UNC5D: variants seen among roughly 807,000 people sequenced by gnomAD.
UNC5D encodes the protein netrin receptor UNC5D.
Under a neutral mutation model 105.4 loss-of-function variants are expected in UNC5D, and 39 were observed. The ratio of observed to expected loss-of-function variants is 0.37; its 90% CI spans 0.29 to 0.48. The LOEUF (loss-of-function observed/expected upper bound fraction) is 0.48. Ranked by LOEUF, UNC5D falls within the 20% of genes least tolerant of loss-of-function variation. The pLI is 0.98. For synonymous variants in UNC5D, 452 were observed against 450.4 expected (o/e 1.00, Z -0.04); for missense variants, 991 against 1,202.4 (o/e 0.82, Z 2.60).
intron 1 of UNC5D, among the ~76,000 whole-genome samples, chr8:35,533,021 T>C (rs991820705): frequency 3.4e-5 from 5 of 147,776 alleles, no homozygotes; most frequent in Non-Finnish European, 7.4e-5. Flanking sequence ...AGTAATTTGA[T>C]CGTCTGAAGC....
chr8:35,580,027 A>G (rs185427851), intron 3 of UNC5D, among the ~76,000 whole-genome samples: 31 of 152,334 alleles, frequency 2.0e-4, no homozygotes, highest in African/African-American at 6.0e-4. Context: ...ATGGCTGCTT[A>G]GATATGGAAC....
At chr8:35,579,924 T>C (rs113172045) in intron 3 of UNC5D, among the ~76,000 whole-genome samples, 2 of 152,162 alleles carry the variant, frequency 1.3e-5, no homozygotes, top group African/African-American at 2.4e-5. Flanking sequence ...TCTTTGAGAG[T>C]GTTGATATGG....
chr8:35,604,387 C>T (rs1264540063), intron 4 of UNC5D, among the ~76,000 whole-genome samples: 3 of 152,218 alleles, frequency 2.0e-5, no homozygotes, highest in Non-Finnish European at 4.4e-5. Flanking sequence ...CCTCTTCTGG[C>T]TTGTAGAGTT....
rs530380680 is a variant in UNC5D at position 35,402,785 on chromosome 8, GC to G, written c.104-146503del. 3.9e-3 allele frequency among the ~76,000 whole-genome samples: 591 copies of G among 152,112 alleles called. 2 individuals are homozygous for G. Among genetic ancestry groups the G allele is most frequent in the Middle Eastern group, 0.01 (3 of 294 alleles). The stretch of plus-strand genomic sequence containing the variant: ...TAACCTTAGCACTTCTTACTTCTTA[GC>G]CCCAAAAGAATAGTGAGAGGTTGAG... On this transcript the variant is annotated intron_variant, in intron 1 of 16. Transcript: ENST00000404895.
In UNC5D at chr8:35,750,681, A is replaced by C; in HGVS notation, c.2035A>C (p.Thr679Pro). The change falls in exon 13 of 17, where the codon ACT (threonine) becomes CCT (proline). Residue 679 changes from threonine to proline, a missense_variant. Thr to Pro is a conservative substitution (Grantham distance 38). This residue lies in a region of UNC5D where 944 missense variants were observed against 1,131.6 expected (regional missense o/e 0.83). Transcript: ENST00000404895. ...LLDSFGTYAL[T>P]GEPITDCAVK... Reference sequence around the variant, plus strand: ...GGACAGCTTTGGGACCTATGCGCTCACTGGAGAGCCAATCACAGACTGTGC... The same window carrying C: ...GGACAGCTTTGGGACCTATGCGCTCCCTGGAGAGCCAATCACAGACTGTGC... 1.2e-6 allele frequency: 2 copies of C among 1,614,112 alleles called. No individual in the cohort carries two copies. The highest frequency in any genetic ancestry group is 1.7e-6 in the Non-Finnish European group (2 of 1,180,022).
chr8:35,390,728 T>A (rs927227910), intron 1 of UNC5D, among the ~76,000 whole-genome samples: 10 of 152,208 alleles, frequency 6.6e-5, no homozygotes, highest in African/African-American at 2.4e-4. Flanking sequence ...AATATCTCAA[T>A]AGTTTCTCTT....
At chr8:35,482,890 C>T (rs1372759148) in intron 1 of UNC5D, among the ~76,000 whole-genome samples, 1 of 138,736 alleles carries the variant, frequency 7.2e-6, no homozygotes, top group African/African-American at 2.8e-5. Context: ...GCAACTTCTG[C>T]CTCCTGGATT....
intron 1 of UNC5D, among the ~76,000 whole-genome samples, chr8:35,314,494 C>T (rs1809133481): frequency 6.6e-6 from 1 of 152,100 alleles, no homozygotes; most frequent in Admixed American, 6.6e-5. Flanking sequence ...ATGTTGACAA[C>T]AGCTCTATTT....
chr8:35,449,848 T>C (rs1808031845), intron 1 of UNC5D, among the ~76,000 whole-genome samples: 1 of 152,184 alleles, frequency 6.6e-6, no homozygotes, highest in Non-Finnish European at 1.5e-5. Flanking sequence ...CATTGATTAC[T>C]ATGTGCCGCC....
chr8:35,583,575 T>G (rs1818590193), intron 3 of UNC5D, among the ~76,000 whole-genome samples: 1 of 152,156 alleles, frequency 6.6e-6, no homozygotes, highest in Non-Finnish European at 1.5e-5. Context: ...GCACAGCAAG[T>G]AGAACAACAG....
At chr8:35,500,797 G>A (rs901670303) in intron 1 of UNC5D, among the ~76,000 whole-genome samples, 1 of 152,180 alleles carries the variant, frequency 6.6e-6, no homozygotes, top group African/African-American at 2.4e-5. Flanking sequence ...ATGACTTAAA[G>A]CAAAAGATCA....
intron 1 of UNC5D, among the ~76,000 whole-genome samples, chr8:35,461,372 C>T (rs564190403): frequency 1.3e-5 from 2 of 152,206 alleles, no homozygotes; most frequent in South Asian, 2.1e-4. Context: ...TTCTATGCTA[C>T]ACGCGTGTGA....
chr8:35,260,030 C>A (rs1286445034), intron 1 of UNC5D, among the ~76,000 whole-genome samples: 1 of 152,084 alleles, frequency 6.6e-6, no homozygotes, highest in African/African-American at 2.4e-5. Flanking sequence ...ATTGAGAAAA[C>A]GACTGCCTCC....
chr8:35,300,009 G>T (rs1381413977), intron 1 of UNC5D, among the ~76,000 whole-genome samples: 1 of 152,112 alleles, frequency 6.6e-6, no homozygotes, highest in East Asian at 1.9e-4. Flanking sequence ...TTGTACAAGA[G>T]AAATACTGGA....
intron 1 of UNC5D, among the ~76,000 whole-genome samples, chr8:35,300,255 C>T (rs965299855): frequency 1.3e-5 from 2 of 151,800 alleles, no homozygotes; most frequent in African/African-American, 4.8e-5. Context: ...CAAGACCAGC[C>T]TGGCCAACAT....
intron 4 of UNC5D, among the ~76,000 whole-genome samples, chr8:35,622,372 CA>C (rs889744313): frequency 6.6e-6 from 1 of 151,902 alleles, no homozygotes; most frequent in Non-Finnish European, 1.5e-5. Context: ...ACAAAACAAA[CA>C]AAAAACTCCT....
intron 3 of UNC5D, among the ~76,000 whole-genome samples, chr8:35,576,823 C>T (rs1233936214): frequency 2.6e-5 from 4 of 152,100 alleles, no homozygotes; most frequent in Non-Finnish European, 5.9e-5. Flanking sequence ...CTATGTTATC[C>T]AGGATGGTCT....
rs576858757 is a variant in UNC5D, at chr8:35,354,865, A to G, written c.103+118978A>G. Among the ~76,000 whole-genome samples, 6 of 152,280 alleles carry G rather than the reference A, an allele frequency of 3.9e-5. No individual in the cohort carries two copies. The South Asian group carries it at 1.2e-3, about 32-fold the overall frequency. On this transcript the variant is annotated intron_variant, in intron 1 of 16. Transcript: ENST00000404895. ...AGATGTCGTCTTCACTCACATGTGC[A>G]GCACCTTGATTCTCTGTGACCAGTC...
chr8:35,331,066 G>A (rs6991984), intron 1 of UNC5D, among the ~76,000 whole-genome samples: 80,614 of 151,738 alleles, frequency 0.53, 22,133 homozygotes, highest in East Asian at 0.7. Flanking sequence ...GTTTTTTTTG[G>A]AAAACTGTTA....
Sources: allele counts gnomAD v4.1 joint callset (sites outside exome capture counted in the v4.1 genomes callset), GRCh38; gene constraint gnomAD v4.1.1; regional missense constraint gnomAD v4.1.1; transcripts MANE v1.5; gene names NCBI Gene and HGNC (gene_info 2026-07-23, HGNC 2026-07-21).